CDH4: variants seen among roughly 807,000 people sequenced by gnomAD.
CDH4 encodes cadherin-4.
In CDH4, 33 loss-of-function variants were observed where a neutral mutation model predicts 86.0. The ratio of observed to expected loss-of-function variants is 0.38; its 90% confidence interval spans 0.29 to 0.51. The LOEUF (loss-of-function observed/expected upper bound fraction) is 0.51, where lower values mean the gene tolerates loss of function less well. CDH4 is among the 20% of genes least tolerant of loss of function. CDH4 has a pLI of 0.86. For missense variants in CDH4, 1,114 were observed against 1,307.4 expected, an observed-to-expected ratio of 0.85 and a Z score of 2.28; for synonymous variants, 555 against 549.4, an observed-to-expected ratio of 1.01 and a Z score of -0.14.
At chr20:61,535,069 C>T (rs570815064) in intron 2 of CDH4, among the ~76,000 whole-genome samples, 2 of 152,328 alleles carry the variant, frequency 1.3e-5, no homozygotes, top group Admixed American at 1.3e-4. Flanking sequence ...GAGGTTCTGT[C>T]CTTAAAACCA....
chr20:61,840,570 A>T (rs1982115460), intron 4 of CDH4, among the ~76,000 whole-genome samples: 1 of 152,216 alleles, frequency 6.6e-6, no homozygotes, highest in South Asian at 2.1e-4. Context: ...ACCTTTCACC[A>T]TCTGTTCTGT....
intron 2 of CDH4, among the ~76,000 whole-genome samples, chr20:61,353,884 T>G (rs1223512933): frequency 1.3e-5 from 2 of 151,518 alleles, no homozygotes; most frequent in Admixed American, 1.3e-4. Context: ...AAATTTATCT[T>G]TGAGCATAAT....
At chr20:61,674,784 T>C (rs2087428619) in intron 2 of CDH4, among the ~76,000 whole-genome samples, 1 of 152,252 alleles carries the variant, frequency 6.6e-6, no homozygotes, top group Non-Finnish European at 1.5e-5. Context: ...GCTGATTGAC[T>C]GCTCAGCCCA....
chr20:61,774,576 C>G (rs1032346101), intron 4 of CDH4, among the ~76,000 whole-genome samples: 1 of 152,194 alleles, frequency 6.6e-6, no homozygotes. Context: ...GGTTTGTTAC[C>G]TAGGTAAACG....
intron 2 of CDH4, among the ~76,000 whole-genome samples, chr20:61,295,502 A>G (rs558090157): frequency 6.6e-6 from 1 of 152,206 alleles, no homozygotes; most frequent in Non-Finnish European, 1.5e-5. Flanking sequence ...GCGGAGTGGA[A>G]GTAATCAGTA....
intron 7 of CDH4, among the ~76,000 whole-genome samples, chr20:61,894,234 G>A (rs970796148): frequency 6.6e-6 from 1 of 152,148 alleles, no homozygotes; most frequent in African/African-American, 2.4e-5. Context: ...TTTTGGCACT[G>A]ATGGACTCCC....
At chr20:61,651,147 G>C (rs1286522186) in intron 2 of CDH4, among the ~76,000 whole-genome samples, 2 of 151,812 alleles carry the variant, frequency 1.3e-5, no homozygotes, top group Non-Finnish European at 2.9e-5. Context: ...GTGCTCGTGT[G>C]AGTGAGTTAG....
chr20:61,434,466 G>C (rs530474869), intron 2 of CDH4, among the ~76,000 whole-genome samples: 4 of 152,096 alleles, frequency 2.6e-5, no homozygotes, highest in Admixed American at 2.0e-4. Flanking sequence ...CGTTCACCGC[G>C]GCGCTCAAAG....
intron 2 of CDH4, among the ~76,000 whole-genome samples, chr20:61,329,653 C>T (rs1342637699): frequency 2.0e-5 from 3 of 150,580 alleles, no homozygotes; most frequent in African/African-American, 4.9e-5. Flanking sequence ...ACTTGGATTC[C>T]GCAGACCCTG....
chr20:61,722,937 C>T (rs1163972190), intron 2 of CDH4, among the ~76,000 whole-genome samples: 12 of 152,152 alleles, frequency 7.9e-5, no homozygotes, highest in Non-Finnish European at 1.6e-4. Flanking sequence ...ATTCTTTCCT[C>T]GTGCTCTTTA....
intron 4 of CDH4, among the ~76,000 whole-genome samples, chr20:61,783,558 T>C (rs6142862): frequency 0.57 from 73,583 of 130,110 alleles, 23,460 homozygotes; most frequent in East Asian, 0.9. Context: ...CCTGTGCCCC[T>C]GGGAGAAATG....
At position 61,924,316 on chromosome 20, in the gene CDH4, C is replaced by T. The variant is rs765065361; in HGVS notation, c.1629-18C>T. 1.9e-6 allele frequency: 3 copies of T among 1,603,368 alleles called. No individual in the cohort carries two copies. The highest frequency in any genetic ancestry group is 2.6e-6 in the Non-Finnish European group (3 of 1,173,994). On this transcript the variant is annotated intron_variant, in intron 10 of 15. Transcript: ENST00000614565. ...CCACCCCCAGCCTTACCTCCCCCTG[C>T]ACTTGTGGTCTCCGCAGATACTCAA...
chr20:61,570,166 G>A (rs772263448), intron 2 of CDH4: 1 of 157,742 alleles, frequency 6.3e-6, no homozygotes, highest in Non-Finnish European at 1.4e-5. Flanking sequence ...GAGCACTGTA[G>A]AAGGTTCTGG....
chr20:61,280,564 G>T (rs2084253312), intron 2 of CDH4, among the ~76,000 whole-genome samples: 1 of 152,234 alleles, frequency 6.6e-6, no homozygotes, highest in Non-Finnish European at 1.5e-5. Flanking sequence ...GAAAGCCAGG[G>T]TTTCACGGCT....
intron 2 of CDH4, among the ~76,000 whole-genome samples, chr20:61,368,584 C>G (rs1180734957): frequency 6.6e-6 from 1 of 151,890 alleles, no homozygotes; most frequent in Non-Finnish European, 1.5e-5. Flanking sequence ...CTGTGTCACC[C>G]AGGCTCACTG....
intron 4 of CDH4, among the ~76,000 whole-genome samples, chr20:61,774,448 G>A (rs2088815066): frequency 1.3e-5 from 2 of 152,216 alleles, no homozygotes; most frequent in Admixed American, 6.5e-5. Flanking sequence ...CCTTGGGGCC[G>A]GGATTTCTTG....
At chr20:61,281,200 G>A (rs563827854) in intron 2 of CDH4, among the ~76,000 whole-genome samples, 3 of 152,164 alleles carry the variant, frequency 2.0e-5, no homozygotes, top group Admixed American at 6.5e-5. Context: ...ACCAAGGGCC[G>A]TGGTCTCAAT....
intron 2 of CDH4, among the ~76,000 whole-genome samples, chr20:61,453,656 T>A (rs1389312842): frequency 6.6e-6 from 1 of 152,196 alleles, no homozygotes; most frequent in Non-Finnish European, 1.5e-5. Context: ...TAGATTTGAT[T>A]CTATGTATTT....
In CDH4 at chr20:61,517,628, A is replaced by G. The variant is rs2085831650; in HGVS notation, c.170-225935A>G. On this transcript the variant is annotated intron_variant, in intron 2 of 15. Transcript: ENST00000614565. The surrounding 1 kb of genome is among the most constrained non-coding windows in gnomAD (Gnocchi z 6.6). ...ACTTGGCGGGTGGCTGAGCCCCTTG[A>G]GCTGCAAAGTGAGGAGAATGACGGC... Among the ~76,000 whole-genome samples the G allele has an allele frequency of 6.6e-6, 1 of 152,126 alleles. No homozygotes were observed. The highest frequency in any genetic ancestry group is 6.5e-5 in the Admixed American group (1 of 15,284).
Sources: allele counts gnomAD v4.1 joint callset (sites outside exome capture counted in the v4.1 genomes callset), GRCh38; gene constraint gnomAD v4.1.1; non-coding constraint Gnocchi (gnomAD v3.1); transcripts MANE v1.5; gene names NCBI Gene and HGNC (gene_info 2026-07-23, HGNC 2026-07-21).